The following KCNT2 variants were observed in gnomAD, a reference collection of about 807,000 sequenced individuals.
The protein encoded by KCNT2 is potassium sodium-activated channel subfamily T member 2.
In KCNT2, 67 loss-of-function variants were observed where a neutral mutation model predicts 153.8. That is an observed-to-expected ratio of 0.44 (90% CI 0.36 to 0.53). The LOEUF is 0.53. KCNT2 is among the 20% of genes least tolerant of loss of function. KCNT2 has a pLI of 0.00. For synonymous variants in KCNT2, 500 were observed against 458.8 expected, an observed-to-expected ratio of 1.09 and a Z score of -1.15; for missense variants, 975 against 1,354.8, an observed-to-expected ratio of 0.72 and a Z score of 4.40.
chr1:196,442,023 G>A (rs1289640131), intron 8 of KCNT2, among the ~76,000 whole-genome samples: 1 of 151,702 alleles, frequency 6.6e-6, no homozygotes, highest in East Asian at 1.9e-4. Flanking sequence ...ATGGTCAAAG[G>A]CAATCGCATA....
intron 1 of KCNT2, among the ~76,000 whole-genome samples, chr1:196,539,586 T>A (rs1461589661): frequency 6.6e-6 from 1 of 152,152 alleles, no homozygotes; most frequent in Non-Finnish European, 1.5e-5. Context: ...CAGTATTCAG[T>A]TTTTATTTCA....
intron 26 of KCNT2, among the ~76,000 whole-genome samples, chr1:196,241,295 A>G (rs1216922001): frequency 6.6e-6 from 1 of 152,104 alleles, no homozygotes; most frequent in Admixed American, 6.6e-5. Flanking sequence ...TGGTAATAGC[A>G]TAATCTAGTG....
At chr1:196,428,871 G>T (rs1321896262) in intron 9 of KCNT2, among the ~76,000 whole-genome samples, 11 of 152,054 alleles carry the variant, frequency 7.2e-5, no homozygotes, top group Admixed American at 7.2e-4. Flanking sequence ...GCCCACACAT[G>T]GGCAGCCAGG....
At chr1:196,447,137 T>C (rs1052746992) in intron 8 of KCNT2, among the ~76,000 whole-genome samples, 1 of 151,554 alleles carries the variant, frequency 6.6e-6, no homozygotes, top group Non-Finnish European at 1.5e-5. Context: ...ATATTTTGCC[T>C]CAAATGTATG....
At chr1:196,233,932 G>T (rs140180967) in intron 27 of KCNT2, among the ~76,000 whole-genome samples, 28 of 151,282 alleles carry the variant, frequency 1.9e-4, no homozygotes, top group African/African-American at 6.8e-4. Flanking sequence ...GAGAGAAACT[G>T]GTTTATTAGT....
intron 22 of KCNT2, among the ~76,000 whole-genome samples, chr1:196,296,940 A>G (rs1350730870): frequency 6.6e-6 from 1 of 152,074 alleles, no homozygotes; most frequent in Non-Finnish European, 1.5e-5. Context: ...AAGCAAGAAA[A>G]AAATCATTGG....
intron 14 of KCNT2, among the ~76,000 whole-genome samples, chr1:196,361,839 G>A (rs1202252929): frequency 6.6e-6 from 1 of 152,094 alleles, no homozygotes; most frequent in South Asian, 2.1e-4. Flanking sequence ...AGTTGTATAT[G>A]CCAACTAACA....
At chr1:196,453,764 A>G (rs1676419255) in intron 8 of KCNT2, among the ~76,000 whole-genome samples, 3 of 151,880 alleles carry the variant, frequency 2.0e-5, no homozygotes, top group African/African-American at 7.2e-5. Context: ...CTTTCCCTAT[A>G]GTTTTTATCG....
intron 25 of KCNT2, chr1:196,273,476 C>T (rs1009156245): frequency 1.7e-5 from 26 of 1,530,202 alleles, no homozygotes; most frequent in Non-Finnish European, 2.2e-5. Context: ...ACTTGTGATG[C>T]TATTTTTCGA....
At chr1:196,267,779 A>C (rs1484828493) in intron 25 of KCNT2, among the ~76,000 whole-genome samples, 1 of 152,156 alleles carries the variant, frequency 6.6e-6, no homozygotes, top group African/African-American at 2.4e-5. Context: ...TTATGAAAGC[A>C]TCACCCTGCA....
At chr1:196,557,723 T>C (rs1253877060) in intron 1 of KCNT2, among the ~76,000 whole-genome samples, 3 of 151,442 alleles carry the variant, frequency 2.0e-5, no homozygotes, top group East Asian at 1.9e-4. Flanking sequence ...ATAGGATTAT[T>C]AAAGAGGGTA....
intron 13 of KCNT2, among the ~76,000 whole-genome samples, chr1:196,395,924 G>T (rs1670899502): frequency 6.6e-6 from 1 of 151,576 alleles, no homozygotes; most frequent in African/African-American, 2.4e-5. Flanking sequence ...AGAGTACAAG[G>T]ACAAGAATAT....
At position 196,524,659 on chromosome 1, in the gene KCNT2, A is replaced by G. The variant is rs542499182; in HGVS notation, c.96-32318T>C. ...ACTAAAGTCATATATAATAAGATAT[A>G]TTTTGTGTTAAGGAAAATCTTCATT... On this transcript the variant is annotated intron_variant, in intron 1 of 27. Coordinates refer to ENST00000294725, the MANE Select transcript of KCNT2 (RefSeq NM_198503.5). Among the ~76,000 whole-genome samples, 6 of 152,280 alleles carry G rather than the reference A, an allele frequency of 3.9e-5. No individual in the cohort carries two copies. The South Asian group carries it at 1.2e-3, about 32-fold the overall frequency.
At chr1:196,287,162 T>C (rs1004664361) in intron 22 of KCNT2, among the ~76,000 whole-genome samples, 2 of 152,118 alleles carry the variant, frequency 1.3e-5, no homozygotes, top group Non-Finnish European at 2.9e-5. Flanking sequence ...TTTTTGTCTA[T>C]GTCTATGAAA....
intron 18 of KCNT2, 116 bp downstream of exon 18, chr1:196,331,040 T>C (rs1572062605): frequency 4.6e-6 from 3 of 653,908 alleles, no homozygotes; most frequent in East Asian, 5.4e-5. Flanking sequence ...GAAAAGATAA[T>C]ACCAATACCC....
intron 14 of KCNT2, among the ~76,000 whole-genome samples, chr1:196,366,062 G>A (rs1274111976): frequency 6.6e-6 from 1 of 151,960 alleles, no homozygotes; most frequent in Non-Finnish European, 1.5e-5. Flanking sequence ...ACATGACCTG[G>A]CCCATTGTTT....
intron 8 of KCNT2, among the ~76,000 whole-genome samples, chr1:196,446,881 G>T (rs190120620): frequency 2.1e-4 from 32 of 151,524 alleles, no homozygotes; most frequent in African/African-American, 6.5e-4. Flanking sequence ...TAATGTAAAA[G>T]AACTCACTTA....
intron 14 of KCNT2, among the ~76,000 whole-genome samples, chr1:196,354,044 C>A (rs540481528): frequency 6.6e-6 from 1 of 151,776 alleles, no homozygotes; most frequent in African/African-American, 2.4e-5. Context: ...TGACTTCCTA[C>A]GTTTTTATGA....
At chr1:196,273,368 C>T (rs1273585912) in intron 25 of KCNT2, 4 of 723,670 alleles carry the variant, frequency 5.5e-6, no homozygotes, top group Non-Finnish European at 2.3e-6. Flanking sequence ...ATTTTAATGT[C>T]TGAGTATTAA....
Sources: allele counts gnomAD v4.1 joint callset (sites outside exome capture counted in the v4.1 genomes callset), GRCh38; gene constraint gnomAD v4.1.1; transcripts MANE v1.5; gene names NCBI Gene and HGNC (gene_info 2026-07-23, HGNC 2026-07-21).